The following ERC2 variants were observed in gnomAD, a reference collection of about 807,000 sequenced individuals.
ERC2 encodes ERC protein 2.
ERC2 carries 42 observed loss-of-function variants against 114.8 expected under a neutral mutation model. The ratio of observed to expected loss-of-function variants is 0.37; its 90% CI spans 0.29 to 0.47. ERC2 has a LOEUF of 0.47. Among genes scored for constraint, ERC2 ranks in the 20% least tolerant of loss-of-function variants. The pLI is 0.99. For synonymous variants in ERC2, 454 were observed against 425.5 expected, an observed-to-expected ratio of 1.07 and a Z score of -0.82; for missense variants, 939 against 1,150.7, an observed-to-expected ratio of 0.82 and a Z score of 2.66.
At chr3:56,075,918 C>G (rs1344196652) in intron 7 of ERC2, among the ~76,000 whole-genome samples, 1 of 152,126 alleles carries the variant, frequency 6.6e-6, no homozygotes, top group Non-Finnish European at 1.5e-5. Flanking sequence ...TCAGGTATTA[C>G]TATAAAAAAA....
At chr3:55,700,849 C>T (rs1376703279) in intron 15 of ERC2, among the ~76,000 whole-genome samples, 1 of 152,148 alleles carries the variant, frequency 6.6e-6, no homozygotes, top group South Asian at 2.1e-4. Flanking sequence ...TAGAATCTCG[C>T]ATAGGGCCTA....
intron 17 of ERC2, chr3:55,658,857 C>G (rs2060993932): frequency 6.5e-6 from 1 of 152,706 alleles, no homozygotes; most frequent in African/African-American, 2.4e-5. Flanking sequence ...CCAGTCCCAG[C>G]TGACAGGCAG....
intron 2 of ERC2, among the ~76,000 whole-genome samples, chr3:56,336,376 C>T (rs1019849072): frequency 2.6e-5 from 4 of 152,198 alleles, no homozygotes; most frequent in African/African-American, 9.7e-5. Flanking sequence ...CCTAATCACA[C>T]AGGACCTTGC....
At chr3:55,811,178 T>C (rs1288524361) in intron 14 of ERC2, among the ~76,000 whole-genome samples, 2 of 152,230 alleles carry the variant, frequency 1.3e-5, no homozygotes, top group African/African-American at 4.8e-5. Context: ...TAGCAATACA[T>C]GGCTAGGGGC....
At chr3:55,604,491 T>C (rs59661540) in intron 17 of ERC2, among the ~76,000 whole-genome samples, 18,327 of 152,134 alleles carry the variant, frequency 0.12, 1,236 homozygotes, top group South Asian at 0.24. Context: ...TTTCTCTATG[T>C]TCCTGCTGAC....
intron 6 of ERC2, among the ~76,000 whole-genome samples, chr3:56,084,147 CA>C (rs2077385297): frequency 6.6e-6 from 1 of 152,026 alleles, no homozygotes; most frequent in Admixed American, 6.5e-5. Flanking sequence ...AAATGCAAAT[CA>C]AAACTACAGT....
intron 13 of ERC2, among the ~76,000 whole-genome samples, chr3:55,940,360 C>A (rs947120596): frequency 3.9e-5 from 6 of 152,072 alleles, no homozygotes; most frequent in African/African-American, 1.2e-4. Flanking sequence ...TCACTTCCTG[C>A]TTGATACATT....
chr3:56,213,988 C>T (rs1207868197), intron 3 of ERC2, among the ~76,000 whole-genome samples: 1 of 152,160 alleles, frequency 6.6e-6, no homozygotes, highest in Admixed American at 6.5e-5. Context: ...GACATCCACA[C>T]CAAAACCCCA....
chr3:55,678,622 C>T (rs1248513194), intron 17 of ERC2, among the ~76,000 whole-genome samples: 1 of 152,194 alleles, frequency 6.6e-6, no homozygotes, highest in Non-Finnish European at 1.5e-5. Context: ...GTGCTTTAAA[C>T]TTGTCAGCCT....
intron 2 of ERC2, among the ~76,000 whole-genome samples, chr3:56,339,634 T>C (rs1358472982): frequency 2.6e-5 from 4 of 152,218 alleles, no homozygotes; most frequent in Admixed American, 2.6e-4. Context: ...CTAAGTCCAA[T>C]GTCTGGCAAC....
At chr3:55,890,239 T>A (rs900409241) in intron 13 of ERC2, among the ~76,000 whole-genome samples, 18 of 152,210 alleles carry the variant, frequency 1.2e-4, no homozygotes, top group African/African-American at 3.6e-4. Flanking sequence ...GTTTTGAGTT[T>A]TCCTCCCTTT....
At chr3:56,147,578 T>G (rs116808632) in intron 5 of ERC2, among the ~76,000 whole-genome samples, 3,159 of 152,296 alleles carry the variant, frequency 0.021, 77 homozygotes, top group Non-Finnish European at 0.029. Context: ...ATTTCACAAC[T>G]GATAAAAATC....
intron 17 of ERC2, among the ~76,000 whole-genome samples, chr3:55,524,429 T>C (rs937576161): frequency 6.6e-6 from 1 of 151,846 alleles, no homozygotes; most frequent in African/African-American, 2.4e-5. Flanking sequence ...GCCAGCCACG[T>C]TGGCAGCCTC....
At chr3:56,262,036 A>G (rs1418712191) in intron 3 of ERC2, among the ~76,000 whole-genome samples, 5 of 152,192 alleles carry the variant, frequency 3.3e-5, no homozygotes, top group African/African-American at 1.2e-4. Flanking sequence ...CTTGCAAAGG[A>G]CACGATCTCA....
intron 3 of ERC2, among the ~76,000 whole-genome samples, chr3:56,187,346 T>C (rs1179550124): frequency 6.6e-6 from 1 of 152,192 alleles, no homozygotes; most frequent in Non-Finnish European, 1.5e-5. Context: ...GGGGTCTGAA[T>C]TGGGCAAAAT....
chr3:56,313,001 C>CATATATATAT (rs3055903), intron 2 of ERC2, among the ~76,000 whole-genome samples: 2,130 of 43,736 alleles, frequency 0.049, 350 homozygotes, highest in Non-Finnish European at 0.059. Context: ...TATGTATATT[C>CATATATATAT]ATATATATAT....
chr3:56,315,377 G>GA (rs1262072257), intron 2 of ERC2, among the ~76,000 whole-genome samples: 4 of 152,068 alleles, frequency 2.6e-5, no homozygotes, highest in Admixed American at 6.5e-5. Context: ...GCAAAAACCA[G>GA]AAAAAAGGAA....
At chr3:55,966,885 C>A (rs972526341) in intron 12 of ERC2, among the ~76,000 whole-genome samples, 10 of 152,174 alleles carry the variant, frequency 6.6e-5, no homozygotes, top group African/African-American at 2.2e-4. Flanking sequence ...AGTAAATACC[C>A]ATTTTTTCCC....
At chr3:55,730,637 G>A (rs1495361) in intron 15 of ERC2, among the ~76,000 whole-genome samples, 35,564 of 152,160 alleles carry the variant, frequency 0.23, 4,945 homozygotes, top group African/African-American at 0.35. Context: ...TTGGGAGGCC[G>A]AGGTGGGAAG....
Sources: gnomAD v4.1 joint callset for allele counts (sites outside exome capture counted in the v4.1 genomes callset) on GRCh38, gnomAD v4.1.1 for gene constraint, MANE v1.5 for transcripts, NCBI Gene and HGNC (gene_info 2026-07-23, HGNC 2026-07-21) for gene names.